TMEM68: variants seen among roughly 807,000 people sequenced by gnomAD.
The protein encoded by TMEM68 is transmembrane protein 68, also known as DGAT1/2-independent enzyme synthesizing storage lipids.
TMEM68 carries 25 observed loss-of-function variants against 36.9 expected under a neutral mutation model. That is an observed-to-expected ratio of 0.68 (90% CI 0.49 to 0.95). The LOEUF (loss-of-function observed/expected upper bound fraction) is 0.95, where lower values mean the gene tolerates loss of function less well. Ranked by LOEUF, TMEM68 falls within the 40% of genes least tolerant of loss-of-function variation. The probability of loss-of-function intolerance (pLI) is 0.00; values close to 1 mark genes in which losing one functional copy is unlikely to be tolerated. For synonymous variants in TMEM68, 131 were observed against 124.4 expected, an observed-to-expected ratio of 1.05 and a Z score of -0.35; for missense variants, 333 against 392.0, an observed-to-expected ratio of 0.85 and a Z score of 1.27.
At chr8:55,759,227 C>A (rs1400590194) in intron 3 of TMEM68, among the ~76,000 whole-genome samples, 2 of 139,558 alleles carry the variant, frequency 1.4e-5, no homozygotes, top group Non-Finnish European at 3.1e-5. Flanking sequence ...TAAGATCAGC[C>A]TGGGCAAATC....
At chr8:55,757,180 C>G (rs1192325162) in intron 3 of TMEM68, among the ~76,000 whole-genome samples, 1 of 152,090 alleles carries the variant, frequency 6.6e-6, no homozygotes, top group African/African-American at 2.4e-5. Context: ...TGAGAAAAAG[C>G]CTGAAGTACA....
At chr8:55,752,973 C>T (rs1368202262) in intron 4 of TMEM68, among the ~76,000 whole-genome samples, 4 of 151,938 alleles carry the variant, frequency 2.6e-5, no homozygotes, top group African/African-American at 9.7e-5. Context: ...TCCAGCAATC[C>T]TACTGCCTTA....
intron 7 of TMEM68, 60 bp downstream of exon 7, chr8:55,743,421 A>C (rs1209034449): frequency 6.7e-7 from 1 of 1,483,602 alleles, no homozygotes; most frequent in African/African-American, 1.4e-5. Context: ...AATGAGATTC[A>C]AAATATAATA....
intron 1 of TMEM68, among the ~76,000 whole-genome samples, chr8:55,767,551 GC>G (rs1811010537): frequency 6.6e-6 from 1 of 152,082 alleles, no homozygotes; most frequent in Non-Finnish European, 1.5e-5. Context: ...TAAGTGGATG[GC>G]CCTGATATAA....
intron 4 of TMEM68, 114 bp downstream of exon 4, chr8:55,756,129 CT>C (rs1251139158): frequency 4.8e-6 from 4 of 829,016 alleles, no homozygotes; most frequent in Non-Finnish European, 7.1e-6. Flanking sequence ...TATACACACC[CT>C]AAAAGGCAAA....
chr8:55,773,075 C>G (rs1811242406), intron 1 of TMEM68, 194 bp downstream of exon 1: 1 of 152,366 alleles, frequency 6.6e-6, no homozygotes, highest in Non-Finnish European at 1.5e-5. Flanking sequence ...GGCGCTGGGG[C>G]GCAACACTGA....
intron 4 of TMEM68, among the ~76,000 whole-genome samples, chr8:55,752,256 A>G (rs1051271008): frequency 6.6e-6 from 1 of 151,892 alleles, no homozygotes; most frequent in Non-Finnish European, 1.5e-5. Context: ...ACTTCTCATT[A>G]AAGATCTGAG....
At chr8:55,740,262 T>C (rs1439865520) in intron 7 of TMEM68, 44 bp from the exon 8 acceptor site, 3 of 1,439,852 alleles carry the variant, frequency 2.1e-6, no homozygotes, top group African/African-American at 2.8e-5. Flanking sequence ...TAGATCTTAA[T>C]ATAGACTGAT....
chr8:55,754,698 ATAC>A (rs1215383764), intron 4 of TMEM68, among the ~76,000 whole-genome samples: 3 of 126,368 alleles, frequency 2.4e-5, no homozygotes, highest in South Asian at 2.2e-4. Context: ...TATATATGAA[ATAC>A]ATACTTATAT....
At chr8:55,770,737 TCTC>T (rs1040581146) in intron 1 of TMEM68, among the ~76,000 whole-genome samples, 2 of 152,088 alleles carry the variant, frequency 1.3e-5, no homozygotes, top group Non-Finnish European at 2.9e-5. Flanking sequence ...ATATTTTAGT[TCTC>T]AAAATTCCAG....
chr8:55,758,719 T>G (rs557484137), intron 3 of TMEM68, among the ~76,000 whole-genome samples: 2 of 152,208 alleles, frequency 1.3e-5, no homozygotes, highest in Non-Finnish European at 2.9e-5. Flanking sequence ...GGTGGGATGA[T>G]TGCTTGAGCC....
chr8:55,769,834 T>C (rs145520815), intron 1 of TMEM68, among the ~76,000 whole-genome samples: 31 of 152,334 alleles, frequency 2.0e-4, no homozygotes, highest in African/African-American at 6.3e-4. Flanking sequence ...GGTTTTGCCA[T>C]GTTGGCCAGG....
chr8:55,754,197 G>A (rs187071165), intron 4 of TMEM68, among the ~76,000 whole-genome samples: 7 of 149,694 alleles, frequency 4.7e-5, no homozygotes, highest in East Asian at 2.0e-4. Context: ...AGGGTGAGGC[G>A]GGAGGATCAC....
chr8:55,752,313 T>G (rs1810444829), intron 4 of TMEM68, among the ~76,000 whole-genome samples: 1 of 151,918 alleles, frequency 6.6e-6, no homozygotes, highest in African/African-American at 2.4e-5. Context: ...TCAGACCGGG[T>G]GTGGTGGTTC....
intron 3 of TMEM68, among the ~76,000 whole-genome samples, chr8:55,759,291 C>T (rs1218496995): frequency 1.3e-5 from 2 of 151,066 alleles, no homozygotes; most frequent in African/African-American, 4.9e-5. Flanking sequence ...TAAATACAGT[C>T]CGGGCACAGT....
intron 4 of TMEM68, among the ~76,000 whole-genome samples, chr8:55,752,718 TC>T (rs1466167237): frequency 2.8e-4 from 36 of 127,222 alleles, no homozygotes; most frequent in African/African-American, 1.0e-3. Flanking sequence ...AAATATAGGA[TC>T]CCTTTTTTTT....
Position 55,739,748 on chromosome 8 carries a change from T to C in TMEM68, c.*384A>G, listed in dbSNP as rs554619902. 5.8e-6 allele frequency: 1 copy of C among 173,576 alleles called. No individual in the cohort carries two copies. Among genetic ancestry groups the C allele is most frequent in the Non-Finnish European group, 1.2e-5 (1 of 82,472 alleles). 10.8% of individuals were successfully genotyped at this position (173,576 alleles called of 1,614,324 possible). On this transcript the variant is annotated 3_prime_UTR_variant, in exon 8 of 8. Transcript: ENST00000434581. ...ATGTTTTTTCTAACTTAAACAACTA[T>C]ACTAACCCCTAGCTTATACCATCTT...
intron 4 of TMEM68, chr8:55,751,689 T>G: frequency 4.3e-6 from 1 of 235,122 alleles, no homozygotes; most frequent in Non-Finnish European, 8.3e-6. Context: ...ATAGCAAACA[T>G]CATTAAGAGA....
chr8:55,743,746 T>A, intron 6 of TMEM68, 126 bp from the exon 7 acceptor site: 1 of 773,274 alleles, frequency 1.3e-6, no homozygotes, highest in Non-Finnish European at 1.9e-6. Flanking sequence ...TGGCAATTAA[T>A]ACAATTTTTT....
Sources: gnomAD v4.1 joint callset for allele counts (sites outside exome capture counted in the v4.1 genomes callset) on GRCh38, gnomAD v4.1.1 for gene constraint, MANE v1.5 for transcripts, NCBI Gene and HGNC (gene_info 2026-07-23, HGNC 2026-07-21) for gene names.